Variants in KSR2 observed in about 807,000 individuals in gnomAD.
The protein encoded by KSR2 is kinase suppressor of ras 2.
A neutral mutation model predicts 107.8 loss-of-function variants in KSR2; 25 were observed. The ratio of observed to expected loss-of-function variants is 0.23; its 90% confidence interval spans 0.17 to 0.32. The LOEUF (loss-of-function observed/expected upper bound fraction) is 0.32. KSR2 is among the 10% of genes least tolerant of loss of function. KSR2 has a pLI of 1.00. For missense variants in KSR2, 887 were observed against 1,268.9 expected, an observed-to-expected ratio of 0.70 and a Z score of 4.57; for synonymous variants, 480 against 507.0, an observed-to-expected ratio of 0.95 and a Z score of 0.71.
chr12:117,703,298 G>T (rs1298828223), intron 4 of KSR2, among the ~76,000 whole-genome samples: 1 of 152,170 alleles, frequency 6.6e-6, no homozygotes, highest in African/African-American at 2.4e-5. Context: ...AGCAACGACA[G>T]TGTGCTAGGC....
At chr12:117,706,286 C>T (rs1326348111) in intron 4 of KSR2, among the ~76,000 whole-genome samples, 6 of 152,146 alleles carry the variant, frequency 3.9e-5, no homozygotes, top group African/African-American at 1.2e-4. Flanking sequence ...TCAGGTGATC[C>T]GCCTGCCTCG....
At chr12:117,823,379 G>C (rs1025102734) in intron 3 of KSR2, among the ~76,000 whole-genome samples, 15 of 152,282 alleles carry the variant, frequency 9.9e-5, no homozygotes, top group African/African-American at 3.4e-4. Context: ...GTAGTCATGA[G>C]AACTAGGCAG....
Position 117,667,461 on chromosome 12 carries a change from C to G in KSR2, c.1171+13G>C, listed in dbSNP as rs532872623. 1 of 1,605,988 alleles carries G rather than the reference C, an allele frequency of 6.2e-7. No individual in the cohort carries two copies. The highest frequency in any genetic ancestry group is 1.3e-5 in the African/African-American group (1 of 74,772). ...GGCAAGCGTTCCCAGTGCAGCCCGG[C>G]AGGGTGACTTACTTGCAGAGAAGTT... On this transcript the variant is annotated intron_variant, in intron 5 of 19. Transcript: ENST00000339824.
At chr12:117,801,598 G>C (rs1378445786) in intron 3 of KSR2, among the ~76,000 whole-genome samples, 1 of 152,066 alleles carries the variant, frequency 6.6e-6, no homozygotes, top group Admixed American at 6.5e-5. Context: ...GGCCAGAGTG[G>C]GGTTGGGTGG....
At chr12:117,742,353 A>G (rs1392376874) in intron 4 of KSR2, among the ~76,000 whole-genome samples, 2 of 152,198 alleles carry the variant, frequency 1.3e-5, no homozygotes, top group African/African-American at 2.4e-5. Context: ...ATTTTCATCA[A>G]TGTGAATGTT....
At chr12:117,731,780 T>C (rs1236795310) in intron 4 of KSR2, among the ~76,000 whole-genome samples, 1 of 151,434 alleles carries the variant, frequency 6.6e-6, no homozygotes, top group Non-Finnish European at 1.5e-5. Context: ...CCACTCAGGG[T>C]TAAATGGATT....
Position 117,555,210 on chromosome 12 carries a change from G to T in KSR2, c.1477C>A (p.His493Asn). ...LRKPPRYSDL[H>N]ISQTLPKTNK... The stretch of plus-strand genomic sequence containing the variant: ...GTTTTGGGGAGCGTCTGACTGATGT[G>T]CAGGTCTGAATAGCGAGGTGGCTTC... The change falls in exon 9 of 20, where the codon CAC (histidine) becomes AAC (asparagine). Residue 493 changes from histidine (H) to asparagine (N), a missense_variant. By Grantham distance (68) the His-to-Asn change is moderately conservative. Coordinates refer to ENST00000339824, the MANE Select transcript of KSR2 (RefSeq NM_173598.6). 6.2e-7 allele frequency: 1 copy of T among 1,613,974 alleles called. No individual in the cohort carries two copies. Among genetic ancestry groups the T allele is most frequent in the Admixed American group, 1.7e-5 (1 of 60,028 alleles).
In KSR2 at chr12:117,455,030, C is replaced by CAGAGAGAGAGAGAGAGAGAG. The variant is rs1246200364; in HGVS notation, c.*12168_*12169insCTCTCTCTCTCTCTCTCTCT. ...AGACAGAGACAGACACAGAGACAGA[C>CAGAGAGAGAGAGAGAGAGAG]AGACAGAGAGAGAGAGAGAGAGAGA... On this transcript the variant is annotated 3_prime_UTR_variant, in exon 20 of 20. Transcript: ENST00000339824. 61 of 120,138 alleles carry CAGAGAGAGAGAGAGAGAGAG rather than the reference C, an allele frequency of 5.1e-4. No homozygotes were observed. The highest frequency in any genetic ancestry group is 1.3e-3 in the African/African-American group (32 of 25,000). 7.4% of individuals were successfully genotyped at this position (120,138 alleles called of 1,614,324 possible). A position where few individuals can be genotyped will look rare whatever the true frequency, so the allele number is the denominator to read the frequency against.
chr12:117,747,296 G>A (rs976598357), intron 4 of KSR2, among the ~76,000 whole-genome samples: 7 of 152,106 alleles, frequency 4.6e-5, no homozygotes, highest in African/African-American at 1.7e-4. Context: ...CATGGATGAA[G>A]CTGGAAGCCA....
intron 4 of KSR2, among the ~76,000 whole-genome samples, chr12:117,668,892 C>A (rs1364741735): frequency 6.6e-6 from 1 of 152,064 alleles, no homozygotes; most frequent in Non-Finnish European, 1.5e-5. Context: ...CTGTGCCCAG[C>A]AAAACGAGTC....
chr12:117,485,855 T>C (rs532806700), intron 14 of KSR2, among the ~76,000 whole-genome samples, 164 bp from the exon 15 acceptor site: 17 of 152,340 alleles, frequency 1.1e-4, no homozygotes, highest in Non-Finnish European at 1.2e-4. Flanking sequence ...GGTTCTGGGA[T>C]GGAGATCTGG....
Position 117,968,893 on chromosome 12 carries a change from CT to C in KSR2, c.-639del. On this transcript the variant is annotated 5_prime_UTR_variant, in exon 1 of 20. An upstream open reading frame in the 5' UTR gains an earlier in-frame stop. Transcript: ENST00000339824. ...GGCTGGCTGCTGTCTCCTCCCCGCGCTGCTGCTGCTGCTGCTGCTGCCGCCG... is the reference window on the plus strand; with the variant it reads ...GGCTGGCTGCTGTCTCCTCCCCGCGCGCTGCTGCTGCTGCTGCTGCCGCCG... The C allele has an allele frequency of 1.8e-5, 4 of 216,314 alleles. No homozygotes were observed. Among genetic ancestry groups the C allele is most frequent in the Admixed American group, 5.4e-5 (1 of 18,366 alleles). 13.4% of individuals were successfully genotyped at this position (216,314 alleles called of 1,614,324 possible). A position where few individuals can be genotyped will look rare whatever the true frequency, so the allele number is the denominator to read the frequency against.
chr12:117,718,618 G>A lies in KSR2; in HGVS notation c.986+42393C>T, dbSNP rs1887089586. Among the ~76,000 whole-genome samples the A allele has an allele frequency of 2.0e-5, 3 of 152,116 alleles. No individual in the cohort carries two copies. In the South Asian group the frequency reaches 6.2e-4, roughly 32 times the overall value. On this transcript the variant is annotated intron_variant, in intron 4 of 19. Transcript: ENST00000339824. ...AACTGAGGCTCGCACATGCCCAGCTGGAATTAAATCATATGCATTGGAAGC... is the reference window on the plus strand; with the variant it reads ...AACTGAGGCTCGCACATGCCCAGCTAGAATTAAATCATATGCATTGGAAGC...
At chr12:117,782,635 A>G (rs1889926146) in intron 3 of KSR2, among the ~76,000 whole-genome samples, 1 of 152,184 alleles carries the variant, frequency 6.6e-6, no homozygotes, top group South Asian at 2.1e-4. Flanking sequence ...GTACCACCTC[A>G]TTGTAATTCT....
At chr12:117,914,457 A>C (rs1364240218) in intron 1 of KSR2, among the ~76,000 whole-genome samples, 1 of 151,834 alleles carries the variant, frequency 6.6e-6, no homozygotes, top group African/African-American at 2.4e-5. Flanking sequence ...AAACAACAAC[A>C]ACAAAAAGAA....
intron 1 of KSR2, among the ~76,000 whole-genome samples, chr12:117,930,906 C>T (rs1895678146): frequency 6.6e-6 from 1 of 152,022 alleles, no homozygotes; most frequent in South Asian, 2.1e-4. Flanking sequence ...AGAAGAAGAC[C>T]CTGTTTCAAG....
intron 14 of KSR2, among the ~76,000 whole-genome samples, chr12:117,514,544 CTTTTTTTTTT>C (rs55927845): frequency 1.5e-5 from 2 of 130,088 alleles, no homozygotes; most frequent in African/African-American, 5.9e-5. Flanking sequence ...CTCTCTCTCT[CTTTTTTTTTT>C]TTTTTTTTGA....
At chr12:117,490,322 C>T (rs1313381075) in intron 14 of KSR2, among the ~76,000 whole-genome samples, 1 of 152,218 alleles carries the variant, frequency 6.6e-6, no homozygotes, top group East Asian at 1.9e-4. Flanking sequence ...TGACTTCAAC[C>T]TCAGTTTCCA....
At chr12:117,535,650 T>TG (rs1592967325) in intron 10 of KSR2, among the ~76,000 whole-genome samples, 1 of 126,596 alleles carries the variant, frequency 7.9e-6, no homozygotes, top group African/African-American at 3.4e-5. Flanking sequence ...GTGTGTGTGT[T>TG]TCAAGATGGC....
Sources: gnomAD v4.1 joint callset for allele counts (sites outside exome capture counted in the v4.1 genomes callset) on GRCh38, gnomAD v4.1.1 for gene constraint, MANE v1.5 for transcripts, NCBI Gene and HGNC (gene_info 2026-07-23, HGNC 2026-07-21) for gene names.